Variants in CACNB4 observed in about 807,000 individuals in gnomAD.
The protein encoded by CACNB4 is voltage-dependent L-type calcium channel subunit beta-4.
A neutral mutation model predicts 71.2 loss-of-function variants in CACNB4; 32 were observed. The ratio of observed to expected loss-of-function variants is 0.45; its 90% CI spans 0.34 to 0.60. The LOEUF is 0.60. Ranked by LOEUF, CACNB4 falls within the 20% of genes least tolerant of loss-of-function variation. CACNB4 has a pLI of 0.01. For missense variants in CACNB4, 464 were observed against 647.9 expected, an observed-to-expected ratio of 0.72 and a Z score of 3.08; for synonymous variants, 231 against 236.9, an observed-to-expected ratio of 0.97 and a Z score of 0.23.
At chr2:151,947,388 A>T (rs533524253) in intron 2 of CACNB4, among the ~76,000 whole-genome samples, 43 of 152,274 alleles carry the variant, frequency 2.8e-4, no homozygotes, top group Admixed American at 9.8e-4. Context: ...TGCTGCCCCT[A>T]GCGGATTCTG....
intron 2 of CACNB4, among the ~76,000 whole-genome samples, chr2:151,942,384 C>T (rs888987199): frequency 3.4e-5 from 5 of 149,172 alleles, no homozygotes; most frequent in Non-Finnish European, 5.9e-5. Context: ...CTGTTGTCTT[C>T]GTAAGCTGAG....
intron 2 of CACNB4, among the ~76,000 whole-genome samples, chr2:151,892,716 G>C (rs1328516712): frequency 6.6e-6 from 1 of 152,136 alleles, no homozygotes; most frequent in African/African-American, 2.4e-5. Context: ...TACCAGTTTT[G>C]TGGTCCTCAG....
chr2:152,000,173 T>C (rs1277462874), intron 2 of CACNB4, among the ~76,000 whole-genome samples: 3 of 152,168 alleles, frequency 2.0e-5, no homozygotes, highest in Non-Finnish European at 2.9e-5. Flanking sequence ...ACCTCACTCT[T>C]CAGGGGCTTT....
chr2:151,920,870 G>A (rs1408433379), intron 2 of CACNB4, among the ~76,000 whole-genome samples: 1 of 152,122 alleles, frequency 6.6e-6, no homozygotes, highest in Non-Finnish European at 1.5e-5. Context: ...CAGGCACGGT[G>A]ACTCACGCCT....
At chr2:151,879,242 G>A (rs1038488875) in intron 4 of CACNB4, among the ~76,000 whole-genome samples, 3 of 152,128 alleles carry the variant, frequency 2.0e-5, no homozygotes, top group Non-Finnish European at 2.9e-5. Flanking sequence ...GACTTTAAAG[G>A]GCTTGCTGAA....
chr2:152,069,375 C>G (rs930029252), intron 2 of CACNB4, among the ~76,000 whole-genome samples: 1 of 152,120 alleles, frequency 6.6e-6, no homozygotes, highest in Non-Finnish European at 1.5e-5. Flanking sequence ...TTATGTGGGT[C>G]AAGACCTCAA....
At chr2:151,991,466 T>C (rs905799744) in intron 2 of CACNB4, among the ~76,000 whole-genome samples, 1 of 152,238 alleles carries the variant, frequency 6.6e-6, no homozygotes, top group African/African-American at 2.4e-5. Context: ...CTGAGCCAGA[T>C]GACTTTTCAT....
At chr2:151,883,710 G>T in intron 2 of CACNB4, 1 of 331,366 alleles carries the variant, frequency 3.0e-6, no homozygotes. Flanking sequence ...CTTCTCTTTT[G>T]CATATACATC....
chr2:151,834,745 T>A lies in CACNB4; in HGVS notation c.*4374A>T, dbSNP rs2099834528. ...ATTATTTTAAAGAAGAGGACTGTTC[T>A]CTGCCCCATAGACACAGCTTGAGTA... On this transcript the variant is annotated 3_prime_UTR_variant, in exon 14 of 14. Transcript: ENST00000539935. The A allele has an allele frequency of 6.6e-6, 1 of 151,950 alleles. No individual in the cohort carries two copies. The highest frequency in any genetic ancestry group is 6.6e-5 in the Admixed American group (1 of 15,252). The allele number at this position is 151,950 out of a possible 1,614,324, so 9.4% of individuals were successfully genotyped here.
chr2:151,986,166 T>C (rs1560110408), intron 2 of CACNB4, among the ~76,000 whole-genome samples: 1 of 152,222 alleles, frequency 6.6e-6, no homozygotes, highest in Non-Finnish European at 1.5e-5. Context: ...ATTTACCTTG[T>C]GTGATCTACT....
In CACNB4 at chr2:151,876,479, T is replaced by C; in HGVS notation, c.468A>G (p.Arg156=). ...CEIGFIPSPL[R]LENIRIQQEQ... is the part of the protein sequence containing the mutation. Reference sequence around the variant, plus strand: ...CTTGCTGGATCCGTATGTTCTCCAATCTGAGTGGACTTGGAATGAAGCCAA... The same window carrying C: ...CTTGCTGGATCCGTATGTTCTCCAACCTGAGTGGACTTGGAATGAAGCCAA... Residue 156 remains arginine (R), a synonymous_variant, in exon 5 of 14, where the codon AGA becomes AGG. Transcript: ENST00000539935. 1.2e-6 allele frequency: 2 copies of C among 1,606,738 alleles called. No homozygotes were observed. Among genetic ancestry groups the C allele is most frequent in the Non-Finnish European group, 1.7e-6 (2 of 1,174,976 alleles).
intron 2 of CACNB4, among the ~76,000 whole-genome samples, chr2:151,998,315 C>CAAAAAAAAAAA (rs70974815): frequency 1.9e-4 from 21 of 110,700 alleles, no homozygotes; most frequent in African/African-American, 8.0e-4. Flanking sequence ...ACTCCATCTC[C>CAAAAAAAAAAA]AAAAAAAAAA....
chr2:151,994,597 C>T (rs1201698154), intron 2 of CACNB4, among the ~76,000 whole-genome samples: 1 of 152,116 alleles, frequency 6.6e-6, no homozygotes, highest in African/African-American at 2.4e-5. Context: ...CTGCAACCTC[C>T]ACCTCCTGGG....
intron 2 of CACNB4, among the ~76,000 whole-genome samples, chr2:152,031,234 G>C (rs780695836): frequency 1.3e-5 from 2 of 152,056 alleles, no homozygotes; most frequent in Non-Finnish European, 2.9e-5. Flanking sequence ...CAGGACTGTT[G>C]GTCACCCCAC....
In CACNB4 at chr2:151,838,548, A is replaced by G. The variant is rs1157768752; in HGVS notation, c.*571T>C. 1 of 152,590 alleles carries G rather than the reference A, an allele frequency of 6.6e-6. No homozygotes were observed. Among genetic ancestry groups the G allele is most frequent in the Non-Finnish European group, 1.5e-5 (1 of 68,034 alleles). The allele number at this position is 152,590 out of a possible 1,614,324, so 9.5% of individuals were successfully genotyped here. ...GGTAAGTCTGAAAAGTCATTCTGGCAACATTAACATATATTAAAATGTTTA... is the reference window on the plus strand; with the variant it reads ...GGTAAGTCTGAAAAGTCATTCTGGCGACATTAACATATATTAAAATGTTTA... On this transcript the variant is annotated 3_prime_UTR_variant, in exon 14 of 14. Transcript: ENST00000539935.
At chr2:151,999,842 G>A (rs756450117) in intron 2 of CACNB4, among the ~76,000 whole-genome samples, 1 of 152,214 alleles carries the variant, frequency 6.6e-6, no homozygotes, top group Non-Finnish European at 1.5e-5. Flanking sequence ...TTGGCGGGGA[G>A]AGTCTGGCTA....
At chr2:151,927,090 C>A (rs1372867890) in intron 2 of CACNB4, among the ~76,000 whole-genome samples, 1 of 152,042 alleles carries the variant, frequency 6.6e-6, no homozygotes, top group Non-Finnish European at 1.5e-5. Flanking sequence ...CATTAAAGGT[C>A]TTTATGGCAC....
At chr2:151,856,538 T>G (rs940293961) in intron 10 of CACNB4, 1 of 152,256 alleles carries the variant, frequency 6.6e-6, no homozygotes, top group East Asian at 1.9e-4. Flanking sequence ...TCTTGAACTC[T>G]TGACCTCAAG....
At chr2:152,032,019 G>A (rs927150338) in intron 2 of CACNB4, among the ~76,000 whole-genome samples, 2 of 152,118 alleles carry the variant, frequency 1.3e-5, no homozygotes, top group African/African-American at 2.4e-5. Context: ...AGGCAAGAGC[G>A]GAGAGCAACA....
Sources: gnomAD v4.1 joint callset for allele counts (sites outside exome capture counted in the v4.1 genomes callset) on GRCh38, gnomAD v4.1.1 for gene constraint, MANE v1.5 for transcripts, NCBI Gene and HGNC (gene_info 2026-07-23, HGNC 2026-07-21) for gene names.